ERICH1: variants seen among roughly 807,000 people sequenced by gnomAD.
ERICH1 encodes glutamate rich 1, also known as glutamate-rich protein 1.
ERICH1 carries 56 observed loss-of-function variants against 39.6 expected under a neutral mutation model. That is an observed-to-expected ratio of 1.41 (90% CI 1.14 to 1.77). ERICH1 has a LOEUF of 1.77. Among genes scored for constraint, ERICH1 ranks in the 40% most tolerant of loss-of-function variants. The pLI is 0.00. For synonymous variants in ERICH1, 313 were observed against 223.6 expected (o/e 1.40, Z -3.57); for missense variants, 826 against 575.4 (o/e 1.44, Z -4.45).
intron 2 of ERICH1, among the ~76,000 whole-genome samples, chr8:715,282 AC>A (rs1338807705): frequency 1.3e-5 from 2 of 152,164 alleles, no homozygotes; most frequent in Non-Finnish European, 2.9e-5. Flanking sequence ...GATGTGCTGC[AC>A]CCAGGTGGTC....
In ERICH1 at chr8:639,848, C is replaced by G. The variant is rs978344171; in HGVS notation, c.977-24564G>C. ...CCAGTGAGCAGACACACCAAGCACC[C>G]TGGATTCAGAGGCAGCCGGTTTTTC... On this transcript the variant is annotated intron_variant, in intron 3 of 3. Transcript: ENST00000522706. 1.6e-5 allele frequency among the ~76,000 whole-genome samples: 2 copies of G among 127,466 alleles called. 1 individual carries two copies. The allele number at this position is 127,466 out of a possible 152,430, so 83.6% of individuals were successfully genotyped here.
chr8:700,532 A>C (rs1811846201), intron 2 of ERICH1, among the ~76,000 whole-genome samples: 1 of 138,062 alleles, frequency 7.2e-6, no homozygotes, highest in Non-Finnish European at 1.6e-5. Context: ...AGGCCCGCAC[A>C]GGCGCACAGG....
rs1811606426 is a variant in ERICH1 at position 700,181 on chromosome 8, G to GCCGGCACAGGCGCACAGA, written c.170-7570_170-7569insTCTGTGCGCCTGTGCCGG. 2.2e-4 allele frequency among the ~76,000 whole-genome samples: 21 copies of GCCGGCACAGGCGCACAGA among 97,022 alleles called. 1 individual carries two copies. The highest frequency in any genetic ancestry group is 3.5e-4 in the Admixed American group (3 of 8,466). The allele number at this position is 97,022 out of a possible 152,430, so 63.7% of individuals were successfully genotyped here. On this transcript the variant is annotated intron_variant, in intron 2 of 5. Transcript: ENST00000262109. ...CGCACACGCGCACAGGCCCGCACAG[G>GCCGGCACAGGCGCACAGA]CCCGCACACGCGCACAGGCCGGCAC...
intron 2 of ERICH1, among the ~76,000 whole-genome samples, chr8:711,111 G>A (rs1814631367): frequency 6.6e-6 from 1 of 152,220 alleles, no homozygotes; most frequent in Non-Finnish European, 1.5e-5. Flanking sequence ...AACATATGAT[G>A]TGAAACATCT....
At chr8:712,581 C>T (rs971377672) in intron 2 of ERICH1, among the ~76,000 whole-genome samples, 4 of 152,136 alleles carry the variant, frequency 2.6e-5, no homozygotes, top group African/African-American at 9.7e-5. Context: ...AGGTGTGCAC[C>T]ACCATGACTG....
intron 3 of ERICH1, chr8:616,460 C>T (rs13276586): frequency 2.2e-6 from 1 of 452,292 alleles, no homozygotes; most frequent in Non-Finnish European, 4.4e-6. Flanking sequence ...GCGGATTCAG[C>T]GCTGGCCAAC....
At chr8:731,025 G>C in intron 1 of ERICH1, 115 bp downstream of exon 1, 1 of 1,248,948 alleles carries the variant, frequency 8.0e-7, no homozygotes, top group Non-Finnish European at 1.0e-6. Context: ...GAGTCGGTCT[G>C]GGTTTGGGGT....
intron 3 of ERICH1, among the ~76,000 whole-genome samples, chr8:687,316 T>C (rs1459570485): frequency 6.6e-6 from 1 of 152,214 alleles, no homozygotes; most frequent in East Asian, 1.9e-4. Context: ...CGGGCTGTTT[T>C]TATACATAAT....
At chr8:689,747 G>A (rs561880471) in intron 3 of ERICH1, among the ~76,000 whole-genome samples, 2 of 152,258 alleles carry the variant, frequency 1.3e-5, no homozygotes, top group Admixed American at 1.3e-4. Context: ...GGTCAGCTGG[G>A]TCCAGAGTCC....
chr8:664,674 G>A lies in ERICH1; in HGVS notation c.1261C>T (p.His421Tyr). Residue 421 changes from histidine (H) to tyrosine (Y), a missense_variant and splice_region_variant, in exon 6 of 6, where the codon CAT (histidine) becomes TAT (tyrosine). Transcript: ENST00000262109. Reference protein sequence around the residue: ...FPEHCTMPPDHARVISAFFSY... With the variant: ...FPEHCTMPPDYARVISAFFSY... ...AAGAAAGCTGAGATTACTCTGGCAT[G>A]GTCTAGAAAGCAAAAAACACAAAAC... 6.2e-7 allele frequency: 1 copy of A among 1,603,896 alleles called. No homozygotes were observed.
At chr8:730,041 C>A (rs1819631242) in intron 1 of ERICH1, among the ~76,000 whole-genome samples, 1 of 152,108 alleles carries the variant, frequency 6.6e-6, no homozygotes, top group Non-Finnish European at 1.5e-5. Context: ...TCCTAAGAAC[C>A]TCGACACTGA....
chr8:643,902 C>G (rs7013340), intron 3 of ERICH1, among the ~76,000 whole-genome samples: 76,674 of 152,164 alleles, frequency 0.5, 19,521 homozygotes, highest in Non-Finnish European at 0.56. Flanking sequence ...GGCACGGACT[C>G]AGCGCCTGGA....
At chr8:700,046 C>T in intron 2 of ERICH1, among the ~76,000 whole-genome samples, 1 of 140,912 alleles carries the variant, frequency 7.1e-6, no homozygotes, top group Admixed American at 7.0e-5. Flanking sequence ...GGCGCACAGG[C>T]CCGCACACGC....
chr8:716,336 G>A (rs541239853), intron 1 of ERICH1, among the ~76,000 whole-genome samples: 1 of 152,368 alleles, frequency 6.6e-6, no homozygotes, highest in South Asian at 2.1e-4. Flanking sequence ...TCCCTGTGAG[G>A]TTCAGGCACA....
intron 3 of ERICH1, among the ~76,000 whole-genome samples, chr8:642,799 G>A (rs939491652): frequency 1.3e-5 from 2 of 152,106 alleles, no homozygotes; most frequent in African/African-American, 4.8e-5. Context: ...GCCGATGTGT[G>A]CCGCACACCC....
At chr8:631,643 G>A (rs1175082443) in intron 3 of ERICH1, among the ~76,000 whole-genome samples, 1 of 152,108 alleles carries the variant, frequency 6.6e-6, no homozygotes, top group Non-Finnish European at 1.5e-5. Context: ...TTACATCGTG[G>A]TAAAATATAC....
rs747885282 is a variant in ERICH1 at position 673,496 on chromosome 8, C to G, written c.856G>C (p.Gly286Arg). ...CTGGTGTCTTTACCGTCTTCCTCCC[C>G]GGCCCGTGTCAGGTCTTCCTCAATG... ...DTIEEDLTRA[G>R]EEDGKDTREE... is the part of the protein sequence containing the mutation. The change falls in exon 4 of 6, where the codon GGG (glycine) becomes CGG (arginine). Residue 286 changes from glycine (G) to arginine (R), a missense_variant. Physicochemically the swap from Gly to Arg is moderately radical, Grantham distance 125 (BLOSUM62 -2). Transcript: ENST00000262109. 1.2e-6 allele frequency: 2 copies of G among 1,612,838 alleles called. No homozygotes were observed. The highest frequency in any genetic ancestry group is 1.7e-6 in the Non-Finnish European group (2 of 1,179,652).
chr8:699,297 C>T (rs1811113128), intron 2 of ERICH1, among the ~76,000 whole-genome samples: 1 of 152,154 alleles, frequency 6.6e-6, no homozygotes, highest in African/African-American at 2.4e-5. Context: ...GGGGGAGCGC[C>T]AGCCCCACCA....
At chr8:663,445 G>A (rs1801729525), downstream of ERICH1, among the ~76,000 whole-genome samples, 1 of 152,130 alleles carries the variant, frequency 6.6e-6, no homozygotes, top group South Asian at 2.1e-4. Flanking sequence ...CCGTCACCAG[G>A]CGACCGTGCA....
Sources: gnomAD v4.1 joint callset for allele counts (sites outside exome capture counted in the v4.1 genomes callset) on GRCh38, gnomAD v4.1.1 for gene constraint, MANE v1.5 for transcripts, NCBI Gene and HGNC (gene_info 2026-07-23, HGNC 2026-07-21) for gene names.